Variants in CADPS observed in about 807,000 individuals in gnomAD.
The protein encoded by CADPS is calcium-dependent secretion activator 1.
In CADPS, 57 loss-of-function variants were observed where a neutral mutation model predicts 167.3. That is an observed-to-expected ratio of 0.34 (90% CI 0.28 to 0.42). CADPS has a LOEUF of 0.42. Among genes scored for constraint, CADPS ranks in the 20% least tolerant of loss-of-function variants. The pLI, the probability that CADPS is intolerant of heterozygous loss-of-function variation, is 1.00. For missense variants in CADPS, 1,414 were observed against 1,738.1 expected, an observed-to-expected ratio of 0.81 and a Z score of 3.32; for synonymous variants, 676 against 635.3, an observed-to-expected ratio of 1.06 and a Z score of -0.96.
At chr3:62,451,893 A>G (rs1222791066) in intron 26 of CADPS, among the ~76,000 whole-genome samples, 1 of 152,180 alleles carries the variant, frequency 6.6e-6, no homozygotes, top group Non-Finnish European at 1.5e-5. Flanking sequence ...GCAATTCAGT[A>G]TGTAAAAATG....
intron 28 of CADPS, among the ~76,000 whole-genome samples, chr3:62,436,050 C>G (rs1399488274): frequency 6.6e-6 from 1 of 152,108 alleles, no homozygotes; most frequent in Admixed American, 6.5e-5. Context: ...GTTTTACCAC[C>G]TGTACTAGCC....
intron 26 of CADPS, among the ~76,000 whole-genome samples, chr3:62,452,185 T>C (rs1474320686): frequency 2.6e-5 from 4 of 152,226 alleles, no homozygotes; most frequent in African/African-American, 4.8e-5. Flanking sequence ...CCACTAGGCA[T>C]GATCAGTTCA....
intron 8 of CADPS, among the ~76,000 whole-genome samples, chr3:62,576,840 AT>A (rs2082383844): frequency 6.7e-6 from 1 of 149,794 alleles, no homozygotes; most frequent in Non-Finnish European, 1.5e-5. Flanking sequence ...GAAAGAGTAA[AT>A]AATTTTGGGT....
intron 6 of CADPS, among the ~76,000 whole-genome samples, chr3:62,598,405 G>A (rs1216423099): frequency 1.3e-5 from 2 of 152,180 alleles, no homozygotes; most frequent in Non-Finnish European, 2.9e-5. Flanking sequence ...GTAGAATCAA[G>A]AAGGTTTAAA....
At chr3:62,697,158 T>G (rs2367322) in intron 3 of CADPS, among the ~76,000 whole-genome samples, 83,123 of 151,912 alleles carry the variant, frequency 0.55, 24,314 homozygotes, top group East Asian at 0.89. Flanking sequence ...GTGGTGTTTG[T>G]TTACATGAGT....
chr3:62,489,185 G>A (rs1013463976), intron 21 of CADPS, among the ~76,000 whole-genome samples: 1 of 151,600 alleles, frequency 6.6e-6, no homozygotes, highest in Admixed American at 6.6e-5. Flanking sequence ...TTTTGAGACG[G>A]CATCTCGGTC....
intron 1 of CADPS, among the ~76,000 whole-genome samples, chr3:62,784,317 A>T (rs556968679): frequency 6.6e-6 from 1 of 152,360 alleles, no homozygotes; most frequent in Admixed American, 6.5e-5. Context: ...TTTTGATAAC[A>T]TAAGTATCAA....
At chr3:62,697,085 T>C (rs2080443378) in intron 3 of CADPS, among the ~76,000 whole-genome samples, 1 of 152,100 alleles carries the variant, frequency 6.6e-6, no homozygotes. Flanking sequence ...ACTCATGGGA[T>C]CTTGGGCAAA....
At chr3:62,534,890 AT>A (rs957104325) in intron 12 of CADPS, among the ~76,000 whole-genome samples, 4 of 152,194 alleles carry the variant, frequency 2.6e-5, no homozygotes, top group Non-Finnish European at 1.5e-5. Flanking sequence ...CTGGACCATA[AT>A]TTTAAGCCTA....
chr3:62,403,099 T>G lies in CADPS; in HGVS notation c.3864A>C (p.Thr1288=). ...CTTTTACCTTTACCATCCTAATTAGTGTTTTCAACTGATAAATATGAAGCT... is the reference window on the plus strand; with the variant it reads ...CTTTTACCTTTACCATCCTAATTAGGGTTTTCAACTGATAAATATGAAGCT... ...DLQLHIYQLK[T]LIRMVKKTYR... Residue 1288 remains threonine, a synonymous_variant, in exon 29 of 30, where the codon ACA becomes ACC. Coordinates refer to ENST00000383710, the MANE Select transcript of CADPS (RefSeq NM_003716.4). 2.5e-6 allele frequency: 4 copies of G among 1,603,778 alleles called. No homozygotes were observed. The highest frequency in any genetic ancestry group is 2.6e-6 in the Non-Finnish European group (3 of 1,170,916).
intron 4 of CADPS, among the ~76,000 whole-genome samples, chr3:62,651,424 G>A (rs1052930529): frequency 6.6e-6 from 1 of 152,106 alleles, no homozygotes; most frequent in Admixed American, 6.5e-5. Flanking sequence ...TTTCAGTTTA[G>A]TTTTTCTTTT....
intron 1 of CADPS, among the ~76,000 whole-genome samples, chr3:62,767,881 T>C (rs765023836): frequency 7.9e-5 from 12 of 152,192 alleles, no homozygotes; most frequent in South Asian, 2.1e-4. Flanking sequence ...ATGTAATCAG[T>C]ATTTAAATTA....
At chr3:62,426,414 G>T (rs530172647) in intron 28 of CADPS, among the ~76,000 whole-genome samples, 2 of 152,164 alleles carry the variant, frequency 1.3e-5, no homozygotes, top group Non-Finnish European at 2.9e-5. Flanking sequence ...CTCCCAAAGT[G>T]CTGGGATTAC....
chr3:62,875,098 G>T lies in CADPS; in HGVS notation c.-69C>A. 2 of 1,460,066 alleles carry T rather than the reference G, an allele frequency of 1.4e-6. No homozygotes were observed. The highest frequency in any genetic ancestry group is 1.8e-6 in the Non-Finnish European group (2 of 1,095,428). 90.4% of individuals were successfully genotyped at this position (1,460,066 alleles called of 1,614,324 possible). On this transcript the variant is annotated 5_prime_UTR_variant, in exon 1 of 30. Coordinates refer to ENST00000383710, the MANE Select transcript of CADPS (RefSeq NM_003716.4). ...GTGCAAAAGGTGGGGGGCGCTGGAG[G>T]CAGCCGGGGATCAGCTCTCCCGGGT...
chr3:62,594,459 C>A (rs896090423), intron 6 of CADPS, among the ~76,000 whole-genome samples: 5 of 152,146 alleles, frequency 3.3e-5, no homozygotes, highest in African/African-American at 1.2e-4. Context: ...CCGCGCCCGG[C>A]CCTCATTATG....
intron 1 of CADPS, among the ~76,000 whole-genome samples, chr3:62,831,564 T>G (rs188156296): frequency 1.0e-3 from 155 of 152,298 alleles, no homozygotes; most frequent in Non-Finnish European, 1.7e-3. Flanking sequence ...CTTCAGGATC[T>G]CATTTGATTC....
At chr3:62,599,486 A>ATT (rs2059379311) in intron 6 of CADPS, among the ~76,000 whole-genome samples, 1 of 113,120 alleles carries the variant, frequency 8.8e-6, no homozygotes, top group Non-Finnish European at 1.7e-5. Flanking sequence ...GGTTTCTTTT[A>ATT]TTATATATAT....
chr3:62,536,359 A>T, intron 12 of CADPS, 86 bp downstream of exon 12: 1 of 1,189,918 alleles, frequency 8.4e-7, no homozygotes, highest in Non-Finnish European at 1.2e-6. Context: ...TAATGGAGAA[A>T]AGAGCTTCTG....
intron 1 of CADPS, among the ~76,000 whole-genome samples, chr3:62,805,042 C>G (rs910292587): frequency 6.6e-6 from 1 of 152,124 alleles, no homozygotes; most frequent in Non-Finnish European, 1.5e-5. Flanking sequence ...CATTTAGGAC[C>G]AGATAATTCT....
Sources: gnomAD v4.1 joint callset for allele counts (sites outside exome capture counted in the v4.1 genomes callset) on GRCh38, gnomAD v4.1.1 for gene constraint, MANE v1.5 for transcripts, NCBI Gene and HGNC (gene_info 2026-07-23, HGNC 2026-07-21) for gene names.